The following KY variants were observed in gnomAD, a reference collection of about 807,000 sequenced individuals.
KY encodes kyphoscoliosis peptidase.
In KY, 43 loss-of-function variants were observed where a neutral mutation model predicts 76.1. That is an observed-to-expected ratio of 0.57 (90% CI 0.44 to 0.73). KY has a LOEUF of 0.73. KY is among the 30% of genes least tolerant of loss of function. The probability of loss-of-function intolerance (pLI) is 0.00; values close to 1 mark genes in which losing one functional copy is unlikely to be tolerated. For synonymous variants in KY, 277 were observed against 326.2 expected (o/e 0.85, Z 1.63); for missense variants, 722 against 828.9 (o/e 0.87, Z 1.58).
intron 3 of KY, among the ~76,000 whole-genome samples, chr3:134,631,828 A>C (rs1489150956): frequency 6.6e-6 from 1 of 152,138 alleles, no homozygotes; most frequent in East Asian, 1.9e-4. Flanking sequence ...ACCTAAATAC[A>C]AATGTATCAG....
Position 134,650,879 on chromosome 3 carries a change from C to T in KY, c.82G>A (p.Gly28Ser), listed in dbSNP as rs1966877852. 4 of 1,612,842 alleles carry T rather than the reference C, an allele frequency of 2.5e-6. No homozygotes were observed. In the East Asian group the frequency reaches 8.9e-5, roughly 36 times the overall value. Residue 28 changes from glycine to serine, a missense_variant, in exon 1 of 11, where the codon GGT becomes AGT. Gly to Ser is a moderately conservative substitution (Grantham distance 56, BLOSUM62 0). Transcript: ENST00000423778. ...TTCGCCTGCTGGTCTGAGAGCGTAC[C>T]CTGTGCGGCGCGCCGCTTCTCCGAG... Reference protein sequence around the residue: ...VHSEKRRAAQGTLSDQQANPS... With the variant: ...VHSEKRRAAQSTLSDQQANPS...
Position 134,600,599 on chromosome 3 carries a change from C to T in KY, c.*2980G>A, listed in dbSNP as rs2107717208. Among the ~76,000 whole-genome samples, 1 of 152,286 alleles carries T rather than the reference C, an allele frequency of 6.6e-6. No individual in the cohort carries two copies. The highest frequency in any genetic ancestry group is 1.5e-5 in the Non-Finnish European group (1 of 68,032). ...TGTAGTGCCTCTGCCCACCACTCCT[C>T]CACCCTCGGTTCCCTTCTGCCCTGT... On this transcript the variant is annotated 3_prime_UTR_variant, in exon 11 of 11. Transcript: ENST00000423778.
chr3:134,622,730 C>A (rs187961352), intron 6 of KY, among the ~76,000 whole-genome samples: 288 of 152,218 alleles, frequency 1.9e-3, no homozygotes, highest in Non-Finnish European at 3.2e-3. Flanking sequence ...TTCGTAGGGG[C>A]CCTCAGGGAA....
Position 134,615,480 on chromosome 3 carries a change from T to C in KY, c.710+3668A>G, listed in dbSNP as rs1054570694. The stretch of plus-strand genomic sequence containing the variant: ...TCTTTTTTCTTTTTATTTTATTTTA[T>C]TTTTGTTATTATTATACTTTAAGTT... On this transcript the variant is annotated intron_variant, in intron 8 of 10. Transcript: ENST00000423778. The C allele has an allele frequency of 3.1e-4, 47 of 151,834 alleles. 1 individual carries two copies. The highest frequency in any genetic ancestry group is 3.1e-3 in the Admixed American group (47 of 15,274). The allele number at this position is 151,834 out of a possible 1,614,324, so 9.4% of individuals were successfully genotyped here. A position where few individuals can be genotyped will look rare whatever the true frequency, so the allele number is the denominator to read the frequency against.
At chr3:134,604,525 G>A (rs190871199) in intron 10 of KY, 51 bp from the exon 11 acceptor site, 6 of 1,473,670 alleles carry the variant, frequency 4.1e-6, no homozygotes, top group East Asian at 2.3e-5. Context: ...ACGTGCTGAT[G>A]TGCTGGTAAA....
At chr3:134,627,847 G>C in intron 4 of KY, 29 bp from the exon 5 acceptor site, 1 of 1,552,128 alleles carries the variant, frequency 6.4e-7, no homozygotes, top group Non-Finnish European at 8.9e-7. Flanking sequence ...CAGAAGTATA[G>C]ATACTTCAGA....
intron 7 of KY, among the ~76,000 whole-genome samples, chr3:134,620,282 T>C (rs1177576100): frequency 6.6e-6 from 1 of 152,198 alleles, no homozygotes; most frequent in Non-Finnish European, 1.5e-5. Context: ...TGGCCAATGT[T>C]GCTAGTGTGG....
In KY at chr3:134,601,348, A is replaced by G. The variant is rs1255048076; in HGVS notation, c.*2231T>C. ...GACAGCTCCTATTTTGCTGGGTGGC[A>G]TTCTCTGCAATGCTCCAGGATGTAT... On this transcript the variant is annotated 3_prime_UTR_variant, in exon 11 of 11. Coordinates refer to ENST00000423778, the MANE Select transcript of KY (RefSeq NM_178554.6). 5.3e-5 allele frequency among the ~76,000 whole-genome samples: 8 copies of G among 152,104 alleles called. No individual in the cohort carries two copies. Among genetic ancestry groups the G allele is most frequent in the Non-Finnish European group, 1.2e-4 (8 of 68,024 alleles).
At chr3:134,640,808 C>A (rs1238179379) in intron 3 of KY, among the ~76,000 whole-genome samples, 2 of 152,212 alleles carry the variant, frequency 1.3e-5, no homozygotes, top group Non-Finnish European at 1.5e-5. Flanking sequence ...TACCCCAAAT[C>A]CACACCATGG....
Position 134,619,115 on chromosome 3 carries a change from G to A in KY, c.710+33C>T, listed in dbSNP as rs181150010. 1.7e-5 allele frequency: 26 copies of A among 1,541,270 alleles called. No homozygotes were observed. In the Middle Eastern group the frequency reaches 9.5e-4, roughly 56 times the overall value. ...GTGGAAGAGGGAGAGGGATGGGTCC[G>A]GTGGTCAGCATGGGGACTCCTGTCT... On this transcript the variant is annotated intron_variant, in intron 8 of 10. Transcript: ENST00000423778.
intron 8 of KY, among the ~76,000 whole-genome samples, chr3:134,616,806 G>T (rs188205322): frequency 6.6e-6 from 1 of 152,204 alleles, no homozygotes; most frequent in Admixed American, 6.5e-5. Context: ...AGAGCAAAAG[G>T]ACTCCAATCA....
chr3:134,641,147 G>A (rs1477439836), intron 3 of KY: 1 of 152,226 alleles, frequency 6.6e-6, no homozygotes, highest in East Asian at 1.9e-4. Flanking sequence ...CACATCATTT[G>A]CTCTTACCTC....
intron 6 of KY, among the ~76,000 whole-genome samples, chr3:134,623,485 A>G (rs994612223): frequency 2.0e-5 from 3 of 151,392 alleles, no homozygotes; most frequent in African/African-American, 4.9e-5. Flanking sequence ...TCTTCAATCA[A>G]TGGCCTCCTT....
At chr3:134,643,190 C>G in intron 3 of KY, 126 bp downstream of exon 3, 1 of 793,252 alleles carries the variant, frequency 1.3e-6, no homozygotes, top group Non-Finnish European at 2.0e-6. Flanking sequence ...TTTCCAACAC[C>G]CATGGGAGCA....
rs57480767 is a variant in KY, at chr3:134,607,225, C to T, written c.1090+1424G>A. On this transcript the variant is annotated intron_variant, in intron 10 of 10. Transcript: ENST00000423778. Reference sequence around the variant, plus strand: ...TGGATTCTCAAATTGAGCAACTTCACGCTGTTATTTTAGCTGCAGGAGCTG... The same window carrying T: ...TGGATTCTCAAATTGAGCAACTTCATGCTGTTATTTTAGCTGCAGGAGCTG... The T allele has an allele frequency of 1.1e-3, 1,065 of 985,468 alleles. 10 individuals are homozygous for T. In the African/African-American group the frequency reaches 0.017, roughly 16 times the overall value. The allele number at this position is 985,468 out of a possible 1,614,324, so 61.0% of individuals were successfully genotyped here. A position where few individuals can be genotyped will look rare whatever the true frequency, so the allele number is the denominator to read the frequency against.
chr3:134,647,328 C>A, intron 2 of KY, 107 bp downstream of exon 2: 1 of 877,250 alleles, frequency 1.1e-6, no homozygotes, highest in South Asian at 1.5e-5. Flanking sequence ...ACTTTCCGTT[C>A]AGTGGTTAGA....
intron 2 of KY, among the ~76,000 whole-genome samples, chr3:134,646,262 T>C (rs1966426705): frequency 6.6e-6 from 1 of 152,176 alleles, no homozygotes. Flanking sequence ...ATGGCCCCTG[T>C]AGCAAGATTA....
rs538470461 is a variant in KY, at chr3:134,600,054, C to T, written c.*3525G>A. Among the ~76,000 whole-genome samples, 2 of 152,280 alleles carry T rather than the reference C, an allele frequency of 1.3e-5. No homozygotes were observed. Among genetic ancestry groups the T allele is most frequent in the Non-Finnish European group, 2.9e-5 (2 of 68,026 alleles). ...AGAAGTAATCACCTCTTTCAATTGC[C>T]GACTACTTACTCCAAATGAAAAGAA... On this transcript the variant is annotated 3_prime_UTR_variant, in exon 11 of 11. Transcript: ENST00000423778.
At chr3:134,638,915 T>C (rs1478097310) in intron 3 of KY, among the ~76,000 whole-genome samples, 1 of 152,204 alleles carries the variant, frequency 6.6e-6, no homozygotes, top group South Asian at 2.1e-4. Flanking sequence ...CAGGTGTGTG[T>C]GTGTGTGCAT....
Sources: allele counts gnomAD v4.1 joint callset (sites outside exome capture counted in the v4.1 genomes callset), GRCh38; gene constraint gnomAD v4.1.1; transcripts MANE v1.5; gene names NCBI Gene and HGNC (gene_info 2026-07-23, HGNC 2026-07-21).